Variants in PGLYRP2 observed in about 807,000 individuals in gnomAD.
PGLYRP2 encodes peptidoglycan recognition protein 2.
In PGLYRP2, 38 loss-of-function variants were observed where a neutral mutation model predicts 46.2. That is an observed-to-expected ratio of 0.82 (90% confidence interval 0.64 to 1.08). The LOEUF (loss-of-function observed/expected upper bound fraction) is 1.08. Ranked by LOEUF, PGLYRP2 falls within the 50% of genes least tolerant of loss-of-function variation. The pLI is 0.00. For missense variants in PGLYRP2, 713 were observed against 755.9 expected (o/e 0.94, Z 0.67); for synonymous variants, 289 against 329.4 (o/e 0.88, Z 1.33).
In PGLYRP2 at chr19:15,476,355, C is replaced by T. The variant is rs1970796395; in HGVS notation, c.315G>A (p.Gly105=). The T allele has an allele frequency of 6.2e-7, 1 of 1,614,084 alleles. No homozygotes were observed. Among genetic ancestry groups the T allele is most frequent in the Admixed American group, 1.7e-5 (1 of 59,998 alleles). Residue 105 remains glycine (G), a synonymous_variant, in exon 2 of 5, where the codon GGG becomes GGA. Coordinates refer to ENST00000340880, the MANE Select transcript of PGLYRP2 (RefSeq NM_052890.4). ...KEVARHDVRE[G]KEYGVVLAPD... ...GTGCCAGCACCACCCCATATTCCTT[C>T]CCTTCTCGTACGTCATGTCGGGCCA...
intron 4 of PGLYRP2, 66 bp from the exon 5 acceptor site, chr19:15,468,818 T>A: frequency 1.6e-6 from 2 of 1,289,942 alleles, no homozygotes; most frequent in Non-Finnish European, 2.2e-6. Flanking sequence ...TCTGCCCTCC[T>A]GGTGGTGGAA....
chr19:15,470,278 T>TTCCC (rs1568340239), intron 3 of PGLYRP2, among the ~76,000 whole-genome samples: 46 of 132,426 alleles, frequency 3.5e-4, no homozygotes, highest in Middle Eastern at 3.6e-3. Context: ...CCTTCCTTCC[T>TTCCC]TCCTTCCTTC....
At position 15,472,080 on chromosome 19, in the gene PGLYRP2, G is replaced by T; in HGVS notation, c.1153C>A (p.Arg385Ser). The change falls in exon 3 of 5, where the codon CGC becomes AGC. Residue 385 changes from arginine to serine, a missense_variant. Physicochemically the swap from Arg to Ser is moderately radical, Grantham distance 110. Coordinates refer to ENST00000340880, the MANE Select transcript of PGLYRP2 (RefSeq NM_052890.4). ...AFLGCPAIHPRCRWGAAPYRG... is the reference protein window; with the variant it reads ...AFLGCPAIHPSCRWGAAPYRG... ...TAAGGCGCCGCTCCCCAGCGGCAGC[G>T]GGGGTGGATGGCCGGGCATCCTACA... 1 of 1,603,460 alleles carries T rather than the reference G, an allele frequency of 6.2e-7. No homozygotes were observed. Among genetic ancestry groups the T allele is most frequent in the East Asian group, 2.2e-5 (1 of 44,854 alleles).
Position 15,476,533 on chromosome 19 carries a change from G to A in PGLYRP2, c.137C>T (p.Thr46Ile), listed in dbSNP as rs1371824699. The change falls in exon 2 of 5, where the codon ACC becomes ATC. Residue 46 changes from threonine (T) to isoleucine (I), a missense_variant. Transcript: ENST00000340880. ...ELEQKVPAAKTRHTASAWLMS... is the reference protein window; with the variant it reads ...ELEQKVPAAKIRHTASAWLMS... Reference sequence around the variant, plus strand: ...CAGCCACGCAGAAGCTGTGTGTCTGGTCTTGGCAGCTGGCACTTTCTGCTC... The same window carrying A: ...CAGCCACGCAGAAGCTGTGTGTCTGATCTTGGCAGCTGGCACTTTCTGCTC... 3.7e-6 allele frequency: 6 copies of A among 1,613,990 alleles called. No homozygotes were observed. Among genetic ancestry groups the A allele is most frequent in the South Asian group, 2.2e-5 (2 of 91,044 alleles).
chr19:15,470,873 A>G (rs919161107), intron 3 of PGLYRP2, among the ~76,000 whole-genome samples: 1 of 151,056 alleles, frequency 6.6e-6, no homozygotes, highest in Admixed American at 6.6e-5. Flanking sequence ...GGAACTCCCG[A>G]CCTCAGGTGA....
Position 15,468,849 on chromosome 19 carries a change from A to G in PGLYRP2, c.1642-97T>C, listed in dbSNP as rs1317971594. 2.8e-5 allele frequency: 24 copies of G among 853,540 alleles called. No homozygotes were observed. The Admixed American group carries it at 6.0e-4, about 21-fold the overall frequency. 52.9% of individuals were successfully genotyped at this position (853,540 alleles called of 1,614,324 possible). On this transcript the variant is annotated intron_variant, in intron 4 of 4. Transcript: ENST00000340880. ...TGGAACCCTGGATCAGGGAGGGGAC[A>G]GTGGCCCAAAGTGAGAGAGTGAGGA...
intron 3 of PGLYRP2, 142 bp from the exon 4 acceptor site, chr19:15,470,071 G>T: frequency 1.2e-6 from 1 of 866,280 alleles, no homozygotes; most frequent in Non-Finnish European, 1.6e-6. Context: ...GTCCCATCCA[G>T]CTCTGTTCCA....
At chr19:15,477,707 T>TAAATA (rs1555723705) in intron 1 of PGLYRP2, among the ~76,000 whole-genome samples, 902 of 76,916 alleles carry the variant, frequency 0.012, 14 homozygotes, top group African/African-American at 0.032. Context: ...TAAAATAAAA[T>TAAATA]AAATAAAATA....
chr19:15,470,365 C>T (rs1970736876), intron 3 of PGLYRP2, among the ~76,000 whole-genome samples: 1 of 150,618 alleles, frequency 6.6e-6, no homozygotes, highest in African/African-American at 2.5e-5. Flanking sequence ...GGCGCGATCT[C>T]GGCTCACTGC....
intron 4 of PGLYRP2, 77 bp from the exon 5 acceptor site, chr19:15,468,829 C>T: frequency 8.4e-7 from 1 of 1,188,984 alleles, no homozygotes; most frequent in Non-Finnish European, 1.2e-6. Context: ...GGTGGTGGAA[C>T]CCTGGATCAG....
rs1431318432 is a variant in PGLYRP2, at chr19:15,475,853, G to A, written c.817C>T (p.Leu273Phe). 6.2e-7 allele frequency: 1 copy of A among 1,614,092 alleles called. No individual in the cohort carries two copies. Among genetic ancestry groups the A allele is most frequent in the Admixed American group, 1.7e-5 (1 of 60,004 alleles). ...PKASLLTMAF[L>F]NGALDGVILG... ...ATGACCCCATCCAGGGCGCCATTGA[G>A]GAAGGCCATGGTTAACAGAGATGCC... is the stretch of plus-strand genomic sequence containing the variant. Residue 273 changes from leucine to phenylalanine, a missense_variant, in exon 2 of 5, where the codon CTC becomes TTC. Leu to Phe is a conservative substitution (Grantham distance 22). Transcript: ENST00000340880.
Position 15,475,673 on chromosome 19 carries a change from C to G in PGLYRP2, c.997G>C (p.Ala333Pro), listed in dbSNP as rs1464947574. Residue 333 changes from alanine to proline, a missense_variant, in exon 2 of 5, where the codon GCC becomes CCC. Ala to Pro is a conservative substitution (Grantham distance 27). Coordinates refer to ENST00000340880, the MANE Select transcript of PGLYRP2 (RefSeq NM_052890.4). ...ACAAGGGTTCCCCACACCTGCTGGG[C>G]CAGGATGGAGGCTGAAGTCAGAGCA... ...GAALTSASILAQQVWGTLVLL... is the reference protein window; with the variant it reads ...GAALTSASILPQQVWGTLVLL... 6.2e-7 allele frequency: 1 copy of G among 1,614,006 alleles called. No homozygotes were observed. Among genetic ancestry groups the G allele is most frequent in the Non-Finnish European group, 8.5e-7 (1 of 1,180,032 alleles).
In PGLYRP2 at chr19:15,479,351, C is replaced by T. The variant is rs749400980; in HGVS notation, c.21G>A (p.Trp7Ter). The change falls in exon 1 of 5, where the codon TGG becomes TGA. Residue 7 changes from tryptophan to a stop codon, truncating the protein, a stop_gained. Coordinates refer to ENST00000340880, the MANE Select transcript of PGLYRP2 (RefSeq NM_052890.4). LOFTEE classifies it high-confidence loss of function. MAQGVLWILLGLLLWSD... is the reference protein window; with the variant it reads MAQGVL Reference sequence around the variant, plus strand: ...ACCACAGTAGCAATCCGAGTAGGATCCAGAGGACACCCTGGGCCATTGTTG... The same window carrying T: ...ACCACAGTAGCAATCCGAGTAGGATTCAGAGGACACCCTGGGCCATTGTTG... 5 of 1,614,110 alleles carry T rather than the reference C, an allele frequency of 3.1e-6. No individual in the cohort carries two copies. The highest frequency in any genetic ancestry group is 3.4e-6 in the Non-Finnish European group (4 of 1,180,006).
rs1342115619 is a variant in PGLYRP2, at chr19:15,469,468, G to T, written c.1641+164C>A. On this transcript the variant is annotated intron_variant, in intron 4 of 4. Transcript: ENST00000340880. This position sits in a 1 kb window ranked among gnomAD's most constrained non-coding sequence, Gnocchi z 4.9. ...AGGGATGTTGCCCGCAGAGTGACCC[G>T]CAAAGGCTGGGCCTAGGTTTCCTGA... The T allele has an allele frequency of 2.0e-6, 2 of 999,816 alleles. No homozygotes were observed. Among genetic ancestry groups the T allele is most frequent in the Non-Finnish European group, 3.1e-6 (2 of 655,712 alleles). 61.9% of individuals were successfully genotyped at this position (999,816 alleles called of 1,614,324 possible).
intron 2 of PGLYRP2, 111 bp downstream of exon 2, chr19:15,475,427 C>T: frequency 9.4e-7 from 1 of 1,062,386 alleles, no homozygotes; most frequent in Non-Finnish European, 1.4e-6. Flanking sequence ...CCGACCAGAT[C>T]CCTTATTGCC....
Position 15,475,905 on chromosome 19 carries a change from A to G in PGLYRP2, c.765T>C (p.Pro255=), listed in dbSNP as rs1970790619. 1 of 1,613,956 alleles carries G rather than the reference A, an allele frequency of 6.2e-7. No homozygotes were observed. Among genetic ancestry groups the G allele is most frequent in the African/African-American group, 1.3e-5 (1 of 74,896 alleles). Residue 255 remains proline, a synonymous_variant, in exon 2 of 5, where the codon CCT becomes CCC. Coordinates refer to ENST00000340880, the MANE Select transcript of PGLYRP2 (RefSeq NM_052890.4). ...TGGGGTCCAAAAGCGTAAAGGTCCG[A>G]GGGGCAGAGAGCTGGTCCCAGCAGC... ...TEGCWDQLSA[P]RTFTLLDPKA...
At chr19:15,470,014 G>C in intron 3 of PGLYRP2, 85 bp from the exon 4 acceptor site, 1 of 1,300,936 alleles carries the variant, frequency 7.7e-7, no homozygotes. Context: ...TTCTGTTGGT[G>C]TGCCAAGGGC....
intron 3 of PGLYRP2, among the ~76,000 whole-genome samples, chr19:15,470,136 A>G (rs1364259966): frequency 6.6e-6 from 1 of 152,090 alleles, no homozygotes; most frequent in Non-Finnish European, 1.5e-5. Context: ...TCCGCCCTTC[A>G]GTACTGGCAC....
At position 15,469,388 on chromosome 19, in the gene PGLYRP2, A is replaced by AG. The variant is rs1223646451; in HGVS notation, c.1641+243dup. ...AGGTATTAGGAGCTGGGGAAAGGACAGGCTGGCTGGGTCTGGGGCTGAGCT... is the reference window on the plus strand; with the variant it reads ...AGGTATTAGGAGCTGGGGAAAGGACAGGGCTGGCTGGGTCTGGGGCTGAGCT... On this transcript the variant is annotated intron_variant, in intron 4 of 4. Transcript: ENST00000340880. The surrounding 1 kb of genome is among the most constrained non-coding windows in gnomAD (Gnocchi z 4.9). 7 of 710,318 alleles carry AG rather than the reference A, an allele frequency of 9.9e-6. No individual in the cohort carries two copies. Among genetic ancestry groups the AG allele is most frequent in the Non-Finnish European group, 1.8e-5 (7 of 392,598 alleles). 44.0% of individuals were successfully genotyped at this position (710,318 alleles called of 1,614,324 possible). A position where few individuals can be genotyped will look rare whatever the true frequency, so the allele number is the denominator to read the frequency against.
Sources: allele counts gnomAD v4.1 joint callset (sites outside exome capture counted in the v4.1 genomes callset), GRCh38; gene constraint gnomAD v4.1.1; non-coding constraint Gnocchi (gnomAD v3.1); transcripts MANE v1.5; gene names NCBI Gene and HGNC (gene_info 2026-07-23, HGNC 2026-07-21).